MDGA2: variants seen among roughly 807,000 people sequenced by gnomAD.
MDGA2 encodes the protein MAM domain-containing glycosylphosphatidylinositol anchor protein 2.
Under a neutral mutation model 117.8 loss-of-function variants are expected in MDGA2, and 40 were observed. That is an observed-to-expected ratio of 0.34 (90% CI 0.26 to 0.44). The LOEUF is 0.44. Among genes scored for constraint, MDGA2 ranks in the 20% least tolerant of loss-of-function variants. The pLI is 1.00. For synonymous variants in MDGA2, 452 were observed against 439.0 expected (o/e 1.03, Z -0.37); for missense variants, 1,123 against 1,250.6 (o/e 0.90, Z 1.54).
At chr14:47,586,251 C>A (rs1395663998) in intron 1 of MDGA2, among the ~76,000 whole-genome samples, 2 of 151,872 alleles carry the variant, frequency 1.3e-5, no homozygotes, top group African/African-American at 4.8e-5. Context: ...TACCATAACC[C>A]TGACCAACAA....
At chr14:47,125,189 C>T (rs1025257645) in intron 5 of MDGA2, among the ~76,000 whole-genome samples, 6 of 152,068 alleles carry the variant, frequency 3.9e-5, no homozygotes, top group Non-Finnish European at 4.4e-5. Context: ...GTGCAAGTTA[C>T]GGCAAAATCT....
chr14:47,432,702 A>C (rs540934387), intron 1 of MDGA2, among the ~76,000 whole-genome samples: 44 of 152,250 alleles, frequency 2.9e-4, no homozygotes, highest in African/African-American at 1.0e-3. Context: ...ATGTTAGAAA[A>C]ATTGATCTTC....
chr14:47,395,392 A>C (rs1891986021), intron 1 of MDGA2, among the ~76,000 whole-genome samples: 1 of 152,186 alleles, frequency 6.6e-6, no homozygotes, highest in Non-Finnish European at 1.5e-5. Context: ...CAGAATAAAA[A>C]ATATGATGAG....
At chr14:47,602,668 C>CT (rs1177975200) in intron 1 of MDGA2, among the ~76,000 whole-genome samples, 8 of 152,138 alleles carry the variant, frequency 5.3e-5, no homozygotes, top group Non-Finnish European at 1.2e-4. Context: ...AATTGTTAGA[C>CT]TTTTTCCTTG....
intron 1 of MDGA2, among the ~76,000 whole-genome samples, chr14:47,511,018 G>A (rs1375251439): frequency 2.0e-5 from 3 of 152,072 alleles, no homozygotes; most frequent in Non-Finnish European, 4.4e-5. Context: ...CTTTATTATG[G>A]CAGATATTGT....
At chr14:47,557,506 G>GGTC (rs917187416) in intron 1 of MDGA2, among the ~76,000 whole-genome samples, 1 of 152,114 alleles carries the variant, frequency 6.6e-6, no homozygotes, top group African/African-American at 2.4e-5. Context: ...TTTCATGACA[G>GGTC]GTCTTTAAGA....
rs1194423522 is a variant in MDGA2, at chr14:47,062,397, A to G, written c.1196-819T>C. ...AAAAGGCTGCCAAGGGAGCATCTATAGACTTTCTACTAAGGGCCTGAACTT... is the reference window on the plus strand; with the variant it reads ...AAAAGGCTGCCAAGGGAGCATCTATGGACTTTCTACTAAGGGCCTGAACTT... On this transcript the variant is annotated intron_variant, in intron 6 of 16. Transcript: ENST00000399232. Among the ~76,000 whole-genome samples the G allele has an allele frequency of 2.0e-5, 3 of 152,128 alleles. 1 individual carries two copies. Among genetic ancestry groups the G allele is most frequent in the Admixed American group, 2.0e-4 (3 of 15,258 alleles).
chr14:47,595,550 A>AAC (rs200735713), intron 1 of MDGA2, among the ~76,000 whole-genome samples: 18 of 94,896 alleles, frequency 1.9e-4, no homozygotes, highest in Non-Finnish European at 3.0e-4. Flanking sequence ...CAAAAAACAA[A>AAC]AAAAAACAAA....
intron 1 of MDGA2, among the ~76,000 whole-genome samples, chr14:47,646,226 G>A (rs1314749503): frequency 6.6e-6 from 1 of 151,666 alleles, no homozygotes; most frequent in Non-Finnish European, 1.5e-5. Flanking sequence ...ACTTACTAAT[G>A]ATTGTCTAGG....
intron 3 of MDGA2, among the ~76,000 whole-genome samples, chr14:47,195,798 G>T (rs1885268858): frequency 6.6e-6 from 1 of 152,022 alleles, no homozygotes; most frequent in South Asian, 2.1e-4. Flanking sequence ...AAGTGCCTGA[G>T]AAGTGCATTT....
intron 4 of MDGA2, among the ~76,000 whole-genome samples, chr14:47,133,287 A>G (rs186207014): frequency 6.6e-6 from 1 of 152,042 alleles, no homozygotes; most frequent in East Asian, 1.9e-4. Flanking sequence ...ATTCCCATAC[A>G]TGATATAAAA....
chr14:47,147,246 T>C (rs895265209), intron 3 of MDGA2, among the ~76,000 whole-genome samples: 4 of 151,304 alleles, frequency 2.6e-5, no homozygotes, highest in African/African-American at 9.7e-5. Context: ...ATATTCTTTA[T>C]ATTACTAAAT....
chr14:47,256,889 G>T (rs1196094324), intron 2 of MDGA2, among the ~76,000 whole-genome samples: 1 of 136,866 alleles, frequency 7.3e-6, no homozygotes, highest in East Asian at 2.1e-4. Flanking sequence ...AGAAAAGAAA[G>T]AAAAAAGAAG....
chr14:47,118,035 A>G (rs1245789506), intron 5 of MDGA2, among the ~76,000 whole-genome samples: 1 of 152,232 alleles, frequency 6.6e-6, no homozygotes, highest in Non-Finnish European at 1.5e-5. Flanking sequence ...TTACAAAGCC[A>G]TAAAAAAGTG....
At chr14:47,302,842 C>A (rs1303266115) in intron 1 of MDGA2, among the ~76,000 whole-genome samples, 1 of 152,082 alleles carries the variant, frequency 6.6e-6, no homozygotes, top group African/African-American at 2.4e-5. Flanking sequence ...ATTTCATTAT[C>A]TTTCTCAATT....
chr14:47,017,297 T>C (rs1347545924), intron 8 of MDGA2, among the ~76,000 whole-genome samples: 1 of 149,458 alleles, frequency 6.7e-6, no homozygotes, highest in African/African-American at 2.5e-5. Flanking sequence ...AAGGCCCACA[T>C]TGAAAAAAAA....
Position 47,463,628 on chromosome 14 carries a change from G to T in MDGA2, c.281-162078C>A, listed in dbSNP as rs146695146. On this transcript the variant is annotated intron_variant, in intron 1 of 16. Transcript: ENST00000399232. ...GAGAAAATTCACATATGTAAAGAGA[G>T]GGGTAGGGGATTATCTGGATGTAAG... is the stretch of plus-strand genomic sequence containing the variant. Among the ~76,000 whole-genome samples the T allele has an allele frequency of 1.2e-4, 19 of 152,230 alleles. No homozygotes were observed. The East Asian group carries it at 3.3e-3, about 26-fold the overall frequency.
chr14:47,281,550 G>T (rs1447902633), intron 2 of MDGA2, among the ~76,000 whole-genome samples: 1 of 152,086 alleles, frequency 6.6e-6, no homozygotes, highest in East Asian at 1.9e-4. Flanking sequence ...TATACTGTCT[G>T]GTTGCACCAT....
At chr14:46,891,116 T>C (rs1372362595) in intron 10 of MDGA2, among the ~76,000 whole-genome samples, 2 of 152,056 alleles carry the variant, frequency 1.3e-5, no homozygotes, top group Non-Finnish European at 2.9e-5. Flanking sequence ...TCCTAATGTG[T>C]CAGTTTAAAG....
Sources: allele counts gnomAD v4.1 joint callset (sites outside exome capture counted in the v4.1 genomes callset), GRCh38; gene constraint gnomAD v4.1.1; transcripts MANE v1.5; gene names NCBI Gene and HGNC (gene_info 2026-07-23, HGNC 2026-07-21).